Variants in PADI1 observed in about 807,000 individuals in gnomAD.
PADI1 encodes protein-arginine deiminase type-1.
Under a neutral mutation model 74.8 loss-of-function variants are expected in PADI1, and 65 were observed. The observed-to-expected ratio is 0.87, with a 90% CI of 0.71 to 1.07. PADI1 has a LOEUF of 1.07. Ranked by LOEUF, PADI1 falls within the 50% of genes least tolerant of loss-of-function variation. The pLI, the probability that PADI1 is intolerant of heterozygous loss-of-function variation, is 0.00. For synonymous variants in PADI1, 371 were observed against 336.2 expected (o/e 1.10, Z -1.13); for missense variants, 943 against 854.0 (o/e 1.10, Z -1.30).
chr1:17,241,902 C>T (rs2072785587), intron 15 of PADI1, among the ~76,000 whole-genome samples: 2 of 149,536 alleles, frequency 1.3e-5, no homozygotes, highest in African/African-American at 2.5e-5. Context: ...AAGTGAATGT[C>T]GGAATCGGCA....
intron 3 of PADI1, 38 bp downstream of exon 3, chr1:17,223,731 G>GC (rs768000214): frequency 6.6e-7 from 1 of 1,520,026 alleles, no homozygotes; most frequent in Non-Finnish European, 9.1e-7. Context: ...CTATCCCTTT[G>GC]CCCCTCCAGG....
In PADI1 at chr1:17,230,635, C is replaced by T. The variant is rs765130494; in HGVS notation, c.1117C>T (p.Pro373Ser). The change falls in exon 10 of 16, where the codon CCC becomes TCC. Residue 373 changes from proline (P) to serine (S), a missense_variant. Pro to Ser is a moderately conservative substitution (Grantham distance 74). Coordinates refer to ENST00000375471, the MANE Select transcript of PADI1 (RefSeq NM_013358.3). ...ATCCTTCCCCGTGGTCTTTGACTCC[C>T]CCAGGAACAGGGGCCTGAAAGATTT... ...HKSFPVVFDSPRNRGLKDFPY... is the reference protein window; with the variant it reads ...HKSFPVVFDSSRNRGLKDFPY... 17 of 1,612,862 alleles carry T rather than the reference C, an allele frequency of 1.1e-5. No homozygotes were observed. The African/African-American group carries it at 2.3e-4, about 22-fold the overall frequency.
chr1:17,221,515 G>A (rs1405462099), intron 1 of PADI1, among the ~76,000 whole-genome samples: 1 of 150,938 alleles, frequency 6.6e-6, no homozygotes, highest in East Asian at 1.9e-4. Flanking sequence ...GGAGATGGGG[G>A]ATCAGTCGGG....
chr1:17,235,584 G>C (rs2072622327), intron 11 of PADI1, among the ~76,000 whole-genome samples: 2 of 152,106 alleles, frequency 1.3e-5, no homozygotes, highest in Non-Finnish European at 2.9e-5. Flanking sequence ...GGAGCAGAGA[G>C]CTCAGAGGAT....
chr1:17,230,666 A>G lies in PADI1; in HGVS notation c.1148A>G (p.Tyr383Cys), dbSNP rs368279296. Residue 383 changes from tyrosine (Y) to cysteine (C), a missense_variant, in exon 10 of 16, where the codon TAT (tyrosine) becomes TGT (cysteine). Physicochemically the swap from Tyr to Cys is radical, Grantham distance 194. Transcript: ENST00000375471. ...AACAGGGGCCTGAAAGATTTCCCCTATAAGAGGATCCTGGTACGTAGCGAC... is the reference window on the plus strand; with the variant it reads ...AACAGGGGCCTGAAAGATTTCCCCTGTAAGAGGATCCTGGTACGTAGCGAC... ...PRNRGLKDFPYKRILGPDFGY... is the reference protein window; with the variant it reads ...PRNRGLKDFPCKRILGPDFGY... The G allele has an allele frequency of 2.1e-5, 33 of 1,602,284 alleles. No individual in the cohort carries two copies. Among genetic ancestry groups the G allele is most frequent in the South Asian group, 7.8e-5 (7 of 90,132 alleles).
At chr1:17,213,682 C>G (rs552673301) in intron 1 of PADI1, among the ~76,000 whole-genome samples, 1 of 152,138 alleles carries the variant, frequency 6.6e-6, no homozygotes, top group East Asian at 1.9e-4. Flanking sequence ...AAGCTAAGCA[C>G]GTGCCTGGCA....
At chr1:17,213,135 G>A (rs1445352110) in intron 1 of PADI1, among the ~76,000 whole-genome samples, 1 of 144,302 alleles carries the variant, frequency 6.9e-6, no homozygotes, top group African/African-American at 2.6e-5. Flanking sequence ...CCTGAGTAAA[G>A]TTACTTAACT....
At chr1:17,213,648 T>C (rs935716519) in intron 1 of PADI1, among the ~76,000 whole-genome samples, 1 of 152,092 alleles carries the variant, frequency 6.6e-6, no homozygotes, top group Admixed American at 6.5e-5. Flanking sequence ...TGGAGTGAAG[T>C]CTAGATGAGA....
intron 14 of PADI1, 99 bp from the exon 15 acceptor site, chr1:17,240,536 C>G (rs556931827): frequency 6.0e-6 from 8 of 1,326,774 alleles, no homozygotes; most frequent in Non-Finnish European, 7.3e-6. Flanking sequence ...AAGGAGCTAG[C>G]GGGCCCAGAG....
intron 1 of PADI1, among the ~76,000 whole-genome samples, chr1:17,206,691 T>TC (rs2071693629): frequency 7.5e-6 from 1 of 133,696 alleles, no homozygotes; most frequent in South Asian, 2.4e-4. Flanking sequence ...TTCTTTTTTT[T>TC]TTTTTTTTTT....
intron 1 of PADI1, 76 bp from the exon 2 acceptor site, chr1:17,222,213 GC>G: frequency 2.7e-6 from 3 of 1,092,188 alleles, no homozygotes; most frequent in South Asian, 1.4e-5. Flanking sequence ...GCAGCCCCAA[GC>G]CCCCACCCCA....
rs556802865 is a variant in PADI1, at chr1:17,230,015, C to G, written c.930-70C>G. 66 of 1,500,792 alleles carry G rather than the reference C, an allele frequency of 4.4e-5. 2 individuals carry two copies. The South Asian group carries it at 8.1e-4, about 18-fold the overall frequency. The allele number at this position is 1,500,792 out of a possible 1,614,324, so 93.0% of individuals were successfully genotyped here. Reference sequence around the variant, plus strand: ...GAGGCTGCACAGGGCCCAGCACAAACTGAAGGCCACTCACACCTCAGCCAC... The same window carrying G: ...GAGGCTGCACAGGGCCCAGCACAAAGTGAAGGCCACTCACACCTCAGCCAC... On this transcript the variant is annotated intron_variant, in intron 8 of 15. Coordinates refer to ENST00000375471, the MANE Select transcript of PADI1 (RefSeq NM_013358.3).
In PADI1 at chr1:17,230,209, G is replaced by A; in HGVS notation, c.1053+1G>A. On this transcript the variant is annotated splice_donor_variant, in intron 9 of 15. Coordinates refer to ENST00000375471, the MANE Select transcript of PADI1 (RefSeq NM_013358.3). LOFTEE classifies it high-confidence loss of function. ...AAATCGAAATGACCGCTGGATCCAG[G>A]TGGGAGCTGGGGGCAGCTCGGGAAG... The A allele has an allele frequency of 1.2e-6, 2 of 1,613,324 alleles. No homozygotes were observed. Among genetic ancestry groups the A allele is most frequent in the Non-Finnish European group, 1.7e-6 (2 of 1,179,624 alleles).
At position 17,232,805 on chromosome 1, in the gene PADI1, T is replaced by C; in HGVS notation, c.1162-14T>C. The C allele has an allele frequency of 6.2e-7, 1 of 1,604,480 alleles. No homozygotes were observed. Among genetic ancestry groups the C allele is most frequent in the Non-Finnish European group, 8.5e-7 (1 of 1,173,386 alleles). ...CTCCTTCTTGGGGTGGGGGTCTCGC[T>C]GGTTCTTCCATAGGGTCCTGACTTT... is the stretch of plus-strand genomic sequence containing the variant. On this transcript the variant is annotated splice_polypyrimidine_tract_variant and intron_variant, in intron 10 of 15. Transcript: ENST00000375471.
At chr1:17,238,821 ACT>A (rs1178234618) in intron 13 of PADI1, 112 bp downstream of exon 13, 3 of 478,228 alleles carry the variant, frequency 6.3e-6, no homozygotes, top group Admixed American at 4.3e-5. Flanking sequence ...CCCAACACCC[ACT>A]CTCTGTTTCT....
rs1448561005 is a variant in PADI1 at position 17,217,018 on chromosome 1, GA to G, written c.93-5271del. Among the ~76,000 whole-genome samples, 31 of 141,450 alleles carry G rather than the reference GA, an allele frequency of 2.2e-4. No individual in the cohort carries two copies. In the South Asian group the frequency reaches 6.8e-3, roughly 31 times the overall value. 92.8% of individuals were successfully genotyped at this position (141,450 alleles called of 152,430 possible). A position where few individuals can be genotyped will look rare whatever the true frequency, so the allele number is the denominator to read the frequency against. On this transcript the variant is annotated intron_variant, in intron 1 of 15. Coordinates refer to ENST00000375471, the MANE Select transcript of PADI1 (RefSeq NM_013358.3). ...GTAGACAGAAGAAAGGAGGAGAGGA[GA>G]GGGGAGGGAGGGGAGGAGAGGAGGA...
intron 11 of PADI1, among the ~76,000 whole-genome samples, chr1:17,235,617 G>A (rs1012864844): frequency 5.9e-5 from 9 of 151,388 alleles, no homozygotes; most frequent in East Asian, 2.0e-4. Flanking sequence ...GCGGAGAGCC[G>A]GAGGATGTAG....
chr1:17,229,715 C>T (rs557725861), intron 8 of PADI1, among the ~76,000 whole-genome samples: 1 of 152,224 alleles, frequency 6.6e-6, no homozygotes, highest in Non-Finnish European at 1.5e-5. Context: ...TAACCCCACC[C>T]TGACCCCTTT....
chr1:17,237,152 C>A (rs1261822863), intron 11 of PADI1, among the ~76,000 whole-genome samples, 162 bp from the exon 12 acceptor site: 5 of 152,264 alleles, frequency 3.3e-5, no homozygotes, highest in Admixed American at 1.3e-4. Context: ...CACAAATGCA[C>A]AGTCCATTCT....
Sources: gnomAD v4.1 joint callset for allele counts (sites outside exome capture counted in the v4.1 genomes callset) on GRCh38, gnomAD v4.1.1 for gene constraint, MANE v1.5 for transcripts, NCBI Gene and HGNC (gene_info 2026-07-23, HGNC 2026-07-21) for gene names.